Variants in CPXM2 observed in about 807,000 individuals in gnomAD.
The protein encoded by CPXM2 is carboxypeptidase X, M14 family member 2, also known as inactive carboxypeptidase-like protein X2.
A neutral mutation model predicts 86.1 loss-of-function variants in CPXM2; 66 were observed. That is an observed-to-expected ratio of 0.77 (90% CI 0.63 to 0.94). The LOEUF is 0.94. Among genes scored for constraint, CPXM2 ranks in the 40% least tolerant of loss-of-function variants. CPXM2 has a pLI of 0.00. For synonymous variants in CPXM2, 388 were observed against 400.2 expected (o/e 0.97, Z 0.36); for missense variants, 948 against 1,026.3 (o/e 0.92, Z 1.04).
chr10:123,895,580 C>T (rs1437636438), upstream of CPXM2, among the ~76,000 whole-genome samples: 1 of 152,242 alleles, frequency 6.6e-6, no homozygotes, highest in African/African-American at 2.4e-5. Flanking sequence ...TAGAGTCTTT[C>T]ACGGCATCAG....
intron 7 of CPXM2, among the ~76,000 whole-genome samples, chr10:123,772,885 T>C (rs1288722884): frequency 2.0e-5 from 3 of 150,548 alleles, no homozygotes; most frequent in Non-Finnish European, 1.5e-5. Flanking sequence ...CCCTCCTTCA[T>C]TGTGGTTATC....
intron 2 of CPXM2, among the ~76,000 whole-genome samples, chr10:123,912,751 T>C (rs1005877905): frequency 2.6e-5 from 4 of 152,248 alleles, no homozygotes; most frequent in African/African-American, 9.6e-5. Context: ...ACTTCCATCT[T>C]TGTGATTCTC....
intron 2 of CPXM2, among the ~76,000 whole-genome samples, chr10:123,915,549 T>C (rs1945528062): frequency 7.5e-6 from 1 of 132,540 alleles, no homozygotes; most frequent in South Asian, 2.4e-4. Context: ...CAGAGCGAGA[T>C]TGTCAAAAAA....
At chr10:123,911,576 C>T (rs1945488294) in intron 2 of CPXM2, among the ~76,000 whole-genome samples, 3 of 151,734 alleles carry the variant, frequency 2.0e-5, no homozygotes, top group African/African-American at 4.8e-5. Flanking sequence ...GGTGAAGAGG[C>T]CATGAACGGA....
intron 7 of CPXM2, among the ~76,000 whole-genome samples, chr10:123,773,339 C>G (rs1261979969): frequency 1.3e-5 from 2 of 151,836 alleles, no homozygotes; most frequent in East Asian, 2.0e-4. Flanking sequence ...GTGGTCATCA[C>G]CTCCCTCATT....
In CPXM2 at chr10:123,867,299, T is replaced by C. The variant is rs574567583; in HGVS notation, c.404-4576A>G. Among the ~76,000 whole-genome samples the C allele has an allele frequency of 4.6e-5, 7 of 152,170 alleles. No homozygotes were observed. In the East Asian group the frequency reaches 1.4e-3, roughly 29 times the overall value. On this transcript the variant is annotated intron_variant, in intron 2 of 13. Coordinates refer to ENST00000241305, the MANE Select transcript of CPXM2 (RefSeq NM_198148.3). ...ACATCTGACACAGGAATCTCCACAT[T>C]TAGAAAAAGGCAGGATTTTCCTATG...
chr10:123,863,211 C>T (rs922049591), intron 2 of CPXM2, among the ~76,000 whole-genome samples: 3 of 152,226 alleles, frequency 2.0e-5, no homozygotes, highest in Non-Finnish European at 4.4e-5. Context: ...AACACCAGTG[C>T]TTGATCGTCC....
At chr10:123,797,589 TA>T (rs1367670302) in intron 6 of CPXM2, among the ~76,000 whole-genome samples, 2 of 152,206 alleles carry the variant, frequency 1.3e-5, no homozygotes, top group Non-Finnish European at 2.9e-5. Flanking sequence ...TTTACCTTTT[TA>T]TTTTTTTGAG....
At chr10:123,916,188 A>G (rs1025594025) in intron 2 of CPXM2, among the ~76,000 whole-genome samples, 1 of 152,180 alleles carries the variant, frequency 6.6e-6, no homozygotes, top group Non-Finnish European at 1.5e-5. Context: ...TATGTTGGTC[A>G]TTGGTGAGCT....
At chr10:123,921,839 A>T (rs947426135) in intron 2 of CPXM2, among the ~76,000 whole-genome samples, 11 of 152,230 alleles carry the variant, frequency 7.2e-5, no homozygotes, top group African/African-American at 2.7e-4. Flanking sequence ...GGCAACATCC[A>T]ACTTTGAGGA....
intron 6 of CPXM2, among the ~76,000 whole-genome samples, chr10:123,788,790 G>A (rs1331531076): frequency 1.3e-5 from 2 of 151,634 alleles, no homozygotes; most frequent in Non-Finnish European, 2.9e-5. Flanking sequence ...GAGAGCTGGG[G>A]CTTGCACAGC....
chr10:123,893,798 C>G (rs1341882474), upstream of CPXM2, among the ~76,000 whole-genome samples: 3 of 152,340 alleles, frequency 2.0e-5, no homozygotes, highest in Middle Eastern at 3.4e-3. Flanking sequence ...AAGCAACACA[C>G]CCAGCGTTCC....
At chr10:123,831,263 CTGGAA>C (rs991445944) in intron 4 of CPXM2, among the ~76,000 whole-genome samples, 3 of 152,142 alleles carry the variant, frequency 2.0e-5, no homozygotes, top group Non-Finnish European at 4.4e-5. Context: ...CCCCCAAAAT[CTGGAA>C]TAGTTGCTTG....
intron 4 of CPXM2, among the ~76,000 whole-genome samples, chr10:123,808,833 T>C (rs1847633541): frequency 6.6e-6 from 1 of 152,178 alleles, no homozygotes; most frequent in South Asian, 2.1e-4. Context: ...TTTTAAGTTT[T>C]CCTTTAGCAA....
At chr10:123,852,472 G>C (rs1472070496) in intron 3 of CPXM2, among the ~76,000 whole-genome samples, 1 of 152,194 alleles carries the variant, frequency 6.6e-6, no homozygotes. Flanking sequence ...AGGGCCTGAA[G>C]TCACCGCCCT....
intron 3 of CPXM2, among the ~76,000 whole-genome samples, chr10:123,846,321 A>T (rs1333575484): frequency 6.6e-6 from 1 of 152,250 alleles, no homozygotes; most frequent in African/African-American, 2.4e-5. Context: ...GTGACAGATC[A>T]TCAGGCATTA....
At chr10:123,867,450 A>G (rs1290592155) in intron 2 of CPXM2, among the ~76,000 whole-genome samples, 1 of 152,066 alleles carries the variant, frequency 6.6e-6, no homozygotes, top group African/African-American at 2.4e-5. Flanking sequence ...CACTCTGAAG[A>G]ATTTCAGAAT....
At position 123,746,788 on chromosome 10, in the gene CPXM2, C is replaced by G; in HGVS notation, c.2247G>C (p.Gly749=). 1 of 1,614,026 alleles carries G rather than the reference C, an allele frequency of 6.2e-7. No individual in the cohort carries two copies. Among genetic ancestry groups the G allele is most frequent in the Non-Finnish European group, 8.5e-7 (1 of 1,179,898 alleles). The change falls in exon 14 of 14, where the codon GGG becomes GGC. Residue 749 remains glycine (G), a synonymous_variant. Coordinates refer to ENST00000241305, the MANE Select transcript of CPXM2 (RefSeq NM_198148.3). Reference sequence around the variant, plus strand: ...GTCACCCACGCTGTCGTCTCTTCTGCCCCCGCAGCTTCAGCCGCCTGGCTG... The same window carrying G: ...GTCACCCACGCTGTCGTCTCTTCTGGCCCCGCAGCTTCAGCCGCCTGGCTG... ...SLPARRLKLR[G]QKRRQRG is the part of the protein sequence containing the mutation.
chr10:123,753,237 C>T (rs1226240423), intron 13 of CPXM2, among the ~76,000 whole-genome samples: 2 of 152,140 alleles, frequency 1.3e-5, no homozygotes, highest in East Asian at 3.9e-4. Context: ...GACAGTCAGC[C>T]CTGTTTGCCT....
Sources: gnomAD v4.1 joint callset for allele counts (sites outside exome capture counted in the v4.1 genomes callset) on GRCh38, gnomAD v4.1.1 for gene constraint, MANE v1.5 for transcripts, NCBI Gene and HGNC (gene_info 2026-07-23, HGNC 2026-07-21) for gene names.